PHF24: variants seen among roughly 807,000 people sequenced by gnomAD.
The protein encoded by PHF24 is PHD finger protein 24.
In PHF24, 25 loss-of-function variants were observed where a neutral mutation model predicts 42.6. The ratio of observed to expected loss-of-function variants is 0.59; its 90% confidence interval spans 0.43 to 0.82. The LOEUF is 0.82. Among genes scored for constraint, PHF24 ranks in the 40% least tolerant of loss-of-function variants. The probability of loss-of-function intolerance (pLI) is 0.00; values close to 1 mark genes in which losing one functional copy is unlikely to be tolerated. For synonymous variants in PHF24, 185 were observed against 204.8 expected, an observed-to-expected ratio of 0.90 and a Z score of 0.83; for missense variants, 470 against 538.1, an observed-to-expected ratio of 0.87 and a Z score of 1.25.
the PHF24 span, chr9:34,725,704 T>A: frequency 1.3e-6 from 2 of 1,541,180 alleles, no homozygotes; most frequent in Non-Finnish European, 1.8e-6. Flanking sequence ...GAGTCAGAAA[T>A]GGGACATTGA....
the PHF24 span, among the ~76,000 whole-genome samples, chr9:34,770,846 G>C: frequency 6.6e-6 from 1 of 151,932 alleles, no homozygotes; most frequent in African/African-American, 2.4e-5. Context: ...GGGCATGGTG[G>C]CTCATACCTA....
chr9:34,821,079 T>C, the PHF24 span, among the ~76,000 whole-genome samples: 1 of 152,238 alleles, frequency 6.6e-6, no homozygotes, highest in African/African-American at 2.4e-5. Flanking sequence ...AGTGGGCTTC[T>C]TGAAGGCAGC....
chr9:34,858,443 A>G, the PHF24 span, among the ~76,000 whole-genome samples: 1 of 152,146 alleles, frequency 6.6e-6, no homozygotes, highest in South Asian at 2.1e-4. Context: ...GGCTGGCTCA[A>G]TGCTGGGGTG....
At chr9:34,717,439 G>C in the PHF24 span, among the ~76,000 whole-genome samples, 1 of 152,118 alleles carries the variant, frequency 6.6e-6, no homozygotes, top group African/African-American at 2.4e-5. Flanking sequence ...CTATGTCAAA[G>C]AGTCTGAGAG....
the PHF24 span, chr9:34,726,899 A>G: frequency 2.6e-6 from 4 of 1,551,798 alleles, no homozygotes; most frequent in Admixed American, 2.0e-5. Flanking sequence ...CAATTGCTGA[A>G]TCTCCAGAGC....
At chr9:34,934,348 C>CA in the PHF24 span, among the ~76,000 whole-genome samples, 1 of 152,154 alleles carries the variant, frequency 6.6e-6, no homozygotes, top group African/African-American at 2.4e-5. Context: ...AAAACATCTA[C>CA]AACAACAGTA....
the PHF24 span, among the ~76,000 whole-genome samples, chr9:34,897,951 T>C: frequency 1.3e-5 from 2 of 152,338 alleles, no homozygotes; most frequent in East Asian, 3.9e-4. Flanking sequence ...TGAGTTACTT[T>C]GCTTAAAATA....
At chr9:34,709,188 C>G in the PHF24 span, 1 of 646,342 alleles carries the variant, frequency 1.5e-6, no homozygotes, top group South Asian at 2.0e-5. Context: ...CTCTCTGGAC[C>G]TGGCCTGCTG....
At chr9:34,965,865 G>A (rs573862749) in intron 1 of PHF24, among the ~76,000 whole-genome samples, 8 of 152,168 alleles carry the variant, frequency 5.3e-5, no homozygotes, top group Non-Finnish European at 1.0e-4. Context: ...CTAATGAATC[G>A]TTCTTGAAAA....
chr9:34,728,508 T>C, the PHF24 span: 1 of 1,154,310 alleles, frequency 8.7e-7, no homozygotes, highest in Non-Finnish European at 1.2e-6. Flanking sequence ...GAGTCTTCAG[T>C]GGCAGAGCAC....
At chr9:34,671,167 A>G in the PHF24 span, among the ~76,000 whole-genome samples, 4 of 152,122 alleles carry the variant, frequency 2.6e-5, no homozygotes, top group African/African-American at 9.7e-5. Context: ...CCCATTCTCT[A>G]CCGTGGCCTC....
At chr9:34,709,160 A>G in the PHF24 span, 1 of 593,928 alleles carries the variant, frequency 1.7e-6, no homozygotes. Context: ...GCTCCCTGGG[A>G]GACTCTCCCT....
At chr9:34,931,325 G>A in the PHF24 span, among the ~76,000 whole-genome samples, 4 of 136,992 alleles carry the variant, frequency 2.9e-5, no homozygotes, top group African/African-American at 1.1e-4. Context: ...GCAGTGAGCC[G>A]AGATAGTGCC....
At chr9:34,709,240 G>A in the PHF24 span, 3 of 916,160 alleles carry the variant, frequency 3.3e-6, no homozygotes, top group African/African-American at 1.7e-5. Context: ...GAATGCAGAT[G>A]GGGTGGTTAA....
At chr9:34,803,550 A>G in the PHF24 span, among the ~76,000 whole-genome samples, 3 of 152,170 alleles carry the variant, frequency 2.0e-5, no homozygotes, top group Admixed American at 6.5e-5. Context: ...GTTTCCTTTA[A>G]AATTCAGTAC....
chr9:34,893,938 A>G, the PHF24 span, among the ~76,000 whole-genome samples: 2 of 152,154 alleles, frequency 1.3e-5, no homozygotes, highest in African/African-American at 2.4e-5. Flanking sequence ...GATATACTCA[A>G]TATCTTTTGG....
chr9:34,832,399 G>A, the PHF24 span: 7 of 1,111,728 alleles, frequency 6.3e-6, no homozygotes, highest in South Asian at 8.3e-5. Flanking sequence ...TGTCTGGAGT[G>A]TAACCGAAGC....
the PHF24 span, among the ~76,000 whole-genome samples, chr9:34,747,279 A>T: frequency 6.6e-6 from 1 of 152,072 alleles, no homozygotes; most frequent in Non-Finnish European, 1.5e-5. Flanking sequence ...AGCAGGGCAG[A>T]GTGGCCTGTG....
At chr9:34,816,115 A>T in the PHF24 span, among the ~76,000 whole-genome samples, 1 of 150,970 alleles carries the variant, frequency 6.6e-6, no homozygotes, top group Non-Finnish European at 1.5e-5. Flanking sequence ...TTTTTATTAT[A>T]CTTTAAGTTT....
Sources: gnomAD v4.1 joint callset for allele counts (sites outside exome capture counted in the v4.1 genomes callset) on GRCh38, gnomAD v4.1.1 for gene constraint, MANE v1.5 for transcripts, NCBI Gene and HGNC (gene_info 2026-07-23, HGNC 2026-07-21) for gene names.